SHOX: variants seen among roughly 807,000 people sequenced by gnomAD.
SHOX encodes short stature homeobox protein.
In SHOX, 12 loss-of-function variants were observed where a neutral mutation model predicts 29.6. That is an observed-to-expected ratio of 0.41 (90% CI 0.26 to 0.66). SHOX has a LOEUF of 0.66. Among genes scored for constraint, SHOX ranks in the 30% least tolerant of loss-of-function variants. The probability of loss-of-function intolerance (pLI) is 0.35; values close to 1 mark genes in which losing one functional copy is unlikely to be tolerated. For synonymous variants in SHOX, 214 were observed against 200.6 expected (o/e 1.07, Z -0.57); for missense variants, 499 against 437.7 (o/e 1.14, Z -1.25).
upstream of SHOX, among the ~76,000 whole-genome samples, chrX:628,217 G>C (rs1054310484): frequency 1.0e-5 from 1 of 96,428 alleles, no homozygotes; most frequent in African/African-American, 3.9e-5. Flanking sequence ...CTCCCTGTCC[G>C]TGTCGCTCTT....
intron 1 of SHOX, among the ~76,000 whole-genome samples, chrX:633,102 C>T (rs1263901711): frequency 2.0e-5 from 3 of 152,160 alleles, no homozygotes; most frequent in African/African-American, 7.2e-5. Flanking sequence ...AGAAAGACCC[C>T]CGGGCCAGGA....
Position 644,921 on chromosome X carries a change from G to C in SHOX, c.*285G>C, listed in dbSNP as rs1207455049. 2 of 431,712 alleles carry C rather than the reference G, an allele frequency of 4.6e-6. No homozygotes were observed. Among genetic ancestry groups the C allele is most frequent in the East Asian group, 4.0e-5 (1 of 25,118 alleles). The allele number at this position is 431,712 out of a possible 1,614,324, so 26.7% of individuals were successfully genotyped here. On this transcript the variant is annotated 3_prime_UTR_variant, in exon 5 of 5. Transcript: ENST00000686671. ...CCGTGCGTCCTGGGACCCTGGAGAA[G>C]GGTAAACCCCCGCCTGGCTGCGTCT... is the stretch of plus-strand genomic sequence containing the variant.
intron 4 of SHOX, among the ~76,000 whole-genome samples, chrX:641,407 A>G (rs1236709218): frequency 6.6e-6 from 1 of 151,568 alleles, no homozygotes; most frequent in Non-Finnish European, 1.5e-5. Flanking sequence ...TAAAAATACA[A>G]AATGGGTGTG....
At position 649,937 on chromosome X, in the gene SHOX, C is replaced by T. The variant is rs746324199; in HGVS notation, c.*5301C>T. The T allele has an allele frequency of 2.2e-5, 10 of 455,938 alleles. No homozygotes were observed. Among genetic ancestry groups the T allele is most frequent in the Admixed American group, 1.6e-4 (7 of 42,550 alleles). 28.2% of individuals were successfully genotyped at this position (455,938 alleles called of 1,614,324 possible). ...TCTCTCTTTTCTCTCTCTCTGACTG[C>T]GAAGCACCCACAGGGAGAAGGAATT... On this transcript the variant is annotated 3_prime_UTR_variant, in exon 5 of 5. Transcript: ENST00000686671.
intron 2 of SHOX, 97 bp from the exon 3 acceptor site, chrX:640,724 G>C: frequency 1.4e-6 from 2 of 1,386,908 alleles, no homozygotes; most frequent in Admixed American, 3.4e-5. Flanking sequence ...TCCCAGAGGT[G>C]CAAAGTGCTT....
At chrX:631,814 G>C in intron 1 of SHOX, 2 of 443,188 alleles carry the variant, frequency 4.5e-6, no homozygotes, top group Non-Finnish European at 9.2e-6. Flanking sequence ...TGACAGGCGT[G>C]AGGCACCGCG....
Position 641,354 on chromosome X carries a change from G to T in SHOX, c.633+267G>T, listed in dbSNP as rs771083140. Among the ~76,000 whole-genome samples the T allele has an allele frequency of 7.9e-5, 12 of 152,214 alleles. No homozygotes were observed. The South Asian group carries it at 1.5e-3, about 18-fold the overall frequency. On this transcript the variant is annotated intron_variant, in intron 4 of 4. Coordinates refer to ENST00000686671, the MANE Select transcript of SHOX (RefSeq NM_000451.4). ...AGGAGGGTGCATCACCTGAGATCAG[G>T]AGTTCAAGACCAGCCTGGCCAACTT...
At chrX:636,363 T>TATATAAACATATA (rs1451921177) in intron 2 of SHOX, among the ~76,000 whole-genome samples, 2 of 21,174 alleles carry the variant, frequency 9.4e-5, no homozygotes, top group Middle Eastern at 0.036. Context: ...TAAACATATA[T>TATATAAACATATA]AAATATATAC....
chrX:638,812 G>C (rs2052801402), intron 2 of SHOX, among the ~76,000 whole-genome samples: 1 of 152,230 alleles, frequency 6.6e-6, no homozygotes, highest in South Asian at 2.1e-4. Context: ...CACGTGTTTT[G>C]CCCACAACAG....
At chrX:639,171 C>T (rs1281606411) in intron 2 of SHOX, among the ~76,000 whole-genome samples, 1 of 152,182 alleles carries the variant, frequency 6.6e-6, no homozygotes, top group African/African-American at 2.4e-5. Flanking sequence ...ATTTCTCCAG[C>T]CTCCTGAGGG....
chrX:644,393 C>T lies in SHOX; in HGVS notation c.636C>T (p.Val212=). ...CCCCGCCGGGTCCGCTCCCGCAGGT[C>T]CAGGCTCAGCTGCAGCTGGAAGGCG... ...MGALRMPFQQ[V]QAQLQLEGVA... is the part of the protein sequence containing the mutation. Residue 212 remains valine (V), a splice_region_variant and synonymous_variant, in exon 5 of 5, where the codon GTC becomes GTT. Coordinates refer to ENST00000686671, the MANE Select transcript of SHOX (RefSeq NM_000451.4). 6.6e-7 allele frequency: 1 copy of T among 1,522,126 alleles called. No homozygotes were observed. The highest frequency in any genetic ancestry group is 8.8e-7 in the Non-Finnish European group (1 of 1,142,332). 94.3% of individuals were successfully genotyped at this position (1,522,126 alleles called of 1,614,324 possible). A position where few individuals can be genotyped will look rare whatever the true frequency, so the allele number is the denominator to read the frequency against.
At chrX:653,025 G>A (rs2053089905), downstream of SHOX, among the ~76,000 whole-genome samples, 1 of 152,126 alleles carries the variant, frequency 6.6e-6, no homozygotes, top group Non-Finnish European at 1.5e-5. Context: ...TGGATCACCT[G>A]AGGTCAGGAG....
intron 1 of SHOX, among the ~76,000 whole-genome samples, chrX:634,361 T>C (rs2052703631): frequency 6.6e-6 from 1 of 151,760 alleles, no homozygotes; most frequent in Admixed American, 6.6e-5. Flanking sequence ...TTAGGTTATG[T>C]CAACAGAGGT....
At chrX:652,736 T>C (rs1221341139), downstream of SHOX, among the ~76,000 whole-genome samples, 4 of 152,218 alleles carry the variant, frequency 2.6e-5, no homozygotes, top group Non-Finnish European at 5.9e-5. Context: ...TGACCGTTCC[T>C]TTCCTTTTCT....
chrX:634,657 C>G lies in SHOX; in HGVS notation c.317C>G (p.Ser106Trp), dbSNP rs199774904. ...ECKEKREDVK[S>W]EDEDGQTKLK... ...AAAGAGAAGCGCGAGGACGTGAAGT[C>G]GGAGGACGAGGACGGGCAGACCAAG... Residue 106 changes from serine (S) to tryptophan (W), a missense_variant, in exon 2 of 5, where the codon TCG becomes TGG. Ser to Trp is a radical substitution (Grantham distance 177). Coordinates refer to ENST00000686671, the MANE Select transcript of SHOX (RefSeq NM_000451.4). 2 of 1,613,864 alleles carry G rather than the reference C, an allele frequency of 1.2e-6. No individual in the cohort carries two copies. Among genetic ancestry groups the G allele is most frequent in the Middle Eastern group, 1.7e-4 (1 of 5,986 alleles).
intron 2 of SHOX, among the ~76,000 whole-genome samples, chrX:639,737 C>T (rs1260121298): frequency 6.6e-6 from 1 of 152,270 alleles, no homozygotes; most frequent in Non-Finnish European, 1.5e-5. Flanking sequence ...TGCGGTGGCT[C>T]ACACCTCTAA....
rs754674232 is a variant in SHOX at position 641,004 on chromosome X, A to G, written c.550A>G (p.Ile184Val). The G allele has an allele frequency of 9.9e-6, 16 of 1,613,696 alleles. No homozygotes were observed. In the African/African-American group the frequency reaches 1.9e-4, roughly 19 times the overall value. Reference protein sequence around the residue: ...KQENQMHKGVILGTANHLDAC... With the variant: ...KQENQMHKGVVLGTANHLDAC... The stretch of plus-strand genomic sequence containing the variant: ...CCTGCTCCCTTTGGACACAGGCGTC[A>G]TCTTGGGCACAGCCAACCACCTAGA... Residue 184 changes from isoleucine to valine, a missense_variant, in exon 4 of 5, where the codon ATC becomes GTC. Transcript: ENST00000686671.
intron 1 of SHOX, chrX:624,701 T>TTTTCTTTCCTTC (rs1556451349): frequency 9.5e-6 from 1 of 105,372 alleles, no homozygotes; most frequent in African/African-American, 4.0e-5. Flanking sequence ...TTCCTCTTTC[T>TTTTCTTTCCTTC]TTTCTTTCTT....
downstream of SHOX, among the ~76,000 whole-genome samples, chrX:654,132 C>G (rs2053105289): frequency 6.6e-6 from 1 of 151,776 alleles, no homozygotes; most frequent in South Asian, 2.1e-4. Context: ...TACTTTTGCA[C>G]TATAGCATAA....
Sources: allele counts gnomAD v4.1 joint callset (sites outside exome capture counted in the v4.1 genomes callset), GRCh38; gene constraint gnomAD v4.1.1; transcripts MANE v1.5; gene names NCBI Gene and HGNC (gene_info 2026-07-23, HGNC 2026-07-21).